SDK1: variants seen among roughly 807,000 people sequenced by gnomAD.
SDK1 encodes protein sidekick-1.
A neutral mutation model predicts 245.5 loss-of-function variants in SDK1; 157 were observed. The observed-to-expected ratio is 0.64, with a 90% CI of 0.56 to 0.73. The LOEUF (loss-of-function observed/expected upper bound fraction) is 0.73, where lower values mean the gene tolerates loss of function less well. Ranked by LOEUF, SDK1 falls within the 30% of genes least tolerant of loss-of-function variation. SDK1 has a pLI of 0.00. For synonymous variants in SDK1, 1,647 were observed against 1,278.5 expected (o/e 1.29, Z -6.15); for missense variants, 3,583 against 3,002.3 (o/e 1.19, Z -4.52).
intron 4 of SDK1, among the ~76,000 whole-genome samples, chr7:3,682,352 AAGC>A (rs1784126482): frequency 6.6e-6 from 1 of 152,184 alleles, no homozygotes; most frequent in African/African-American, 2.4e-5. Context: ...TTATTGAGGA[AAGC>A]AGCAATTTTT....
At chr7:3,552,157 C>A (rs1357059927) in intron 1 of SDK1, among the ~76,000 whole-genome samples, 1 of 152,076 alleles carries the variant, frequency 6.6e-6, no homozygotes, top group Non-Finnish European at 1.5e-5. Flanking sequence ...TCTGCCTCAG[C>A]CTCCTGAGTA....
intron 5 of SDK1, among the ~76,000 whole-genome samples, chr7:3,859,128 C>G (rs1055189385): frequency 1.3e-5 from 2 of 152,098 alleles, no homozygotes; most frequent in African/African-American, 4.8e-5. Flanking sequence ...TCCCAAAGTG[C>G]TGGGATTACA....
chr7:3,620,417 C>G (rs990542081), intron 2 of SDK1, among the ~76,000 whole-genome samples: 1 of 152,118 alleles, frequency 6.6e-6, no homozygotes, highest in East Asian at 1.9e-4. Flanking sequence ...ATTCTCCTGC[C>G]TCAGCCTCCC....
chr7:3,642,063 C>G lies in SDK1; in HGVS notation c.671C>G (p.Thr224Ser). 1 of 1,614,156 alleles carries G rather than the reference C, an allele frequency of 6.2e-7. No homozygotes were observed. Among genetic ancestry groups the G allele is most frequent in the East Asian group, 2.2e-5 (1 of 44,888 alleles). The change falls in exon 4 of 45, where the codon ACT becomes AGT. Residue 224 changes from threonine (T) to serine (S), a missense_variant. Coordinates refer to ENST00000404826, the MANE Select transcript of SDK1 (RefSeq NM_152744.4). ...ACCAGCTACCCCAGACCTCAAGTGA[C>G]TTGGTTTAGAGAAGGGCACAAGATT... The part of the protein sequence containing the change: ...PITSYPRPQV[T>S]WFREGHKIIP...
chr7:4,114,392 C>T, intron 25 of SDK1, 118 bp downstream of exon 25: 2 of 781,498 alleles, frequency 2.6e-6, no homozygotes, highest in Non-Finnish European at 4.0e-6. Context: ...TTGTGTCTGT[C>T]TTGGAGCTTT....
intron 31 of SDK1, among the ~76,000 whole-genome samples, chr7:4,159,499 C>T (rs1288091717): frequency 3.3e-5 from 5 of 152,264 alleles, no homozygotes; most frequent in African/African-American, 4.8e-5. Flanking sequence ...CACACTTGCC[C>T]CTGGAAAAGC....
At chr7:4,075,430 T>C (rs1780606386) in intron 20 of SDK1, among the ~76,000 whole-genome samples, 1 of 152,050 alleles carries the variant, frequency 6.6e-6, no homozygotes, top group Non-Finnish European at 1.5e-5. Flanking sequence ...TTCATCAGAA[T>C]GAGGAGGAAG....
At chr7:3,853,878 A>G (rs1169964906) in intron 5 of SDK1, among the ~76,000 whole-genome samples, 2 of 151,978 alleles carry the variant, frequency 1.3e-5, no homozygotes, top group South Asian at 4.1e-4. Flanking sequence ...AGTCCCAGCT[A>G]CTCGAGAAGC....
intron 4 of SDK1, among the ~76,000 whole-genome samples, chr7:3,775,766 C>T (rs191550131): frequency 0.011 from 1,690 of 151,856 alleles, 36 homozygotes; most frequent in African/African-American, 0.039. Context: ...TTAGTAGAGA[C>T]GGGGTTTCAC....
rs1022407428 is a variant in SDK1, at chr7:3,387,483, T to G, written c.298+85599T>G. Among the ~76,000 whole-genome samples, 8 of 152,342 alleles carry G rather than the reference T, an allele frequency of 5.3e-5. No homozygotes were observed. The East Asian group carries it at 1.3e-3, about 26-fold the overall frequency. ...GATCCTTCTAAAACTGTCTCCTGTT[T>G]ATAACAGAATCTGACACTTCCAACA... On this transcript the variant is annotated intron_variant, in intron 1 of 44. Coordinates refer to ENST00000404826, the MANE Select transcript of SDK1 (RefSeq NM_152744.4).
At chr7:3,430,554 T>G (rs1562481892) in intron 1 of SDK1, among the ~76,000 whole-genome samples, 1 of 152,198 alleles carries the variant, frequency 6.6e-6, no homozygotes, top group Non-Finnish European at 1.5e-5. Context: ...TTCTGATGAC[T>G]GTCTTTCTCT....
In SDK1 at chr7:3,974,358, T is replaced by G. The variant is rs777737101; in HGVS notation, c.1818-11T>G. 1 of 1,607,658 alleles carries G rather than the reference T, an allele frequency of 6.2e-7. No individual in the cohort carries two copies. On this transcript the variant is annotated splice_polypyrimidine_tract_variant and intron_variant, in intron 12 of 44. Coordinates refer to ENST00000404826, the MANE Select transcript of SDK1 (RefSeq NM_152744.4). ...GGGTTTGTAACTCAAGACCCTTTGC[T>G]TGGCCCACAGCTACGTTTGGAAGAA...
chr7:3,831,625 C>T (rs548977265), intron 5 of SDK1, among the ~76,000 whole-genome samples: 8 of 152,110 alleles, frequency 5.3e-5, no homozygotes, highest in African/African-American at 7.2e-5. Context: ...GGTTTAACTT[C>T]AGTTTCCAAT....
At chr7:3,341,374 A>G (rs1562425727) in intron 1 of SDK1, among the ~76,000 whole-genome samples, 1 of 152,182 alleles carries the variant, frequency 6.6e-6, no homozygotes, top group Admixed American at 6.5e-5. Context: ...GCATCTAACA[A>G]AAGCCTTCTC....
chr7:3,751,568 C>CT (rs950733009), intron 4 of SDK1, among the ~76,000 whole-genome samples: 13 of 152,268 alleles, frequency 8.5e-5, no homozygotes, highest in African/African-American at 3.1e-4. Flanking sequence ...AGTAAGGATG[C>CT]TTTTTACAGG....
intron 24 of SDK1, among the ~76,000 whole-genome samples, chr7:4,113,643 C>G (rs1196316994): frequency 1.3e-5 from 2 of 152,198 alleles, no homozygotes; most frequent in African/African-American, 2.4e-5. Context: ...AGTAGCATTA[C>G]TCACTCTCTT....
intron 1 of SDK1, among the ~76,000 whole-genome samples, chr7:3,364,965 A>G (rs1310467031): frequency 6.6e-6 from 1 of 152,222 alleles, no homozygotes; most frequent in Admixed American, 6.5e-5. Flanking sequence ...TTTTCAGTAT[A>G]TGAGTCCTGT....
intron 20 of SDK1, among the ~76,000 whole-genome samples, chr7:4,075,360 G>C (rs1780599931): frequency 6.6e-6 from 1 of 152,218 alleles, no homozygotes. Context: ...AAAGTCTCAA[G>C]ATGCTGTCCT....
In SDK1 at chr7:4,233,397, C is replaced by T. The variant is rs778878700; in HGVS notation, c.5970C>T (p.Ser1990=). The change falls in exon 41 of 45, where the codon AGC becomes AGT. Residue 1990 remains serine, a synonymous_variant. Coordinates refer to ENST00000404826, the MANE Select transcript of SDK1 (RefSeq NM_152744.4). ...AVNEAGYGEP[S]NPSTAVSAQV... is the part of the protein sequence containing the mutation. ...ATGAGGCGGGCTACGGGGAGCCCAG[C>T]AACCCCTCCACGGCTGTGTCAGGTA... 15 of 1,612,840 alleles carry T rather than the reference C, an allele frequency of 9.3e-6. No individual in the cohort carries two copies. The highest frequency in any genetic ancestry group is 1.2e-5 in the Non-Finnish European group (14 of 1,179,984).
Sources: gnomAD v4.1 joint callset for allele counts (sites outside exome capture counted in the v4.1 genomes callset) on GRCh38, gnomAD v4.1.1 for gene constraint, MANE v1.5 for transcripts, NCBI Gene and HGNC (gene_info 2026-07-23, HGNC 2026-07-21) for gene names.